The following NRXN1 variants were observed in gnomAD, a reference collection of about 807,000 sequenced individuals.
NRXN1 encodes the protein neurexin-1.
Under a neutral mutation model 150.9 loss-of-function variants are expected in NRXN1, and 39 were observed. The observed-to-expected ratio is 0.26, with a 90% CI of 0.20 to 0.34. NRXN1 has a LOEUF of 0.34. NRXN1 is among the 10% of genes least tolerant of loss of function. The pLI is 1.00. For missense variants in NRXN1, 1,815 were observed against 1,949.9 expected, an observed-to-expected ratio of 0.93 and a Z score of 1.30; for synonymous variants, 924 against 757.0, an observed-to-expected ratio of 1.22 and a Z score of -3.62.
At chr2:50,562,478 C>A (rs1669247000) in intron 8 of NRXN1, among the ~76,000 whole-genome samples, 1 of 151,846 alleles carries the variant, frequency 6.6e-6, no homozygotes, top group African/African-American at 2.4e-5. Context: ...TCATGCTCAT[C>A]AATTTTAAGC....
chr2:50,944,744 A>G (rs1278471332), intron 2 of NRXN1, among the ~76,000 whole-genome samples: 2 of 152,186 alleles, frequency 1.3e-5, no homozygotes, highest in African/African-American at 2.4e-5. Context: ...CCTGTACTGC[A>G]AAGGCTAATC....
intron 18 of NRXN1, among the ~76,000 whole-genome samples, chr2:50,207,314 C>A (rs986038634): frequency 2.0e-5 from 3 of 152,020 alleles, no homozygotes; most frequent in African/African-American, 7.2e-5. Context: ...TTCATATTTA[C>A]CTACCTTGTC....
chr2:50,467,135 GT>G (rs2088970872), intron 16 of NRXN1, among the ~76,000 whole-genome samples: 1 of 151,706 alleles, frequency 6.6e-6, no homozygotes, highest in East Asian at 1.9e-4. Context: ...CATGTGCAGC[GT>G]TTATCCTTGA....
chr2:50,090,871 C>T (rs970639418), intron 19 of NRXN1, among the ~76,000 whole-genome samples: 3 of 152,106 alleles, frequency 2.0e-5, no homozygotes, highest in African/African-American at 7.2e-5. Context: ...GGGATCCCTA[C>T]ACTTTAATGT....
chr2:50,982,313 TTTACTC>T (rs1409356944), intron 2 of NRXN1, among the ~76,000 whole-genome samples: 3 of 152,106 alleles, frequency 2.0e-5, no homozygotes, highest in Non-Finnish European at 2.9e-5. Context: ...AGGCAACTCT[TTTACTC>T]TTAGTTTTAT....
intron 5 of NRXN1, among the ~76,000 whole-genome samples, chr2:50,754,221 G>C (rs1410126226): frequency 6.6e-6 from 1 of 151,678 alleles, no homozygotes; most frequent in Non-Finnish European, 1.5e-5. Context: ...TCAGTTATCT[G>C]GTTAGATATT....
At chr2:50,098,043 A>G (rs991188527) in intron 18 of NRXN1, among the ~76,000 whole-genome samples, 1 of 152,082 alleles carries the variant, frequency 6.6e-6, no homozygotes, top group African/African-American at 2.4e-5. Context: ...GTTTTAATCT[A>G]GTTGTTTTAA....
At chr2:50,621,060 TCAACAACAGATGAAAAG>T in intron 7 of NRXN1, 149 bp downstream of exon 7, 1 of 561,756 alleles carries the variant, frequency 1.8e-6, no homozygotes, top group East Asian at 3.1e-5. Context: ...AATAAGAAGG[TCAACAACAGATGAAAAG>T]AAGGAGGTCA....
In NRXN1 at chr2:50,019,067, A is replaced by C. The variant is rs140183289; in HGVS notation, c.4128+34204T>G. Among the ~76,000 whole-genome samples the C allele has an allele frequency of 2.8e-3, 429 of 152,236 alleles. 1 individual carries two copies. The highest frequency in any genetic ancestry group is 5.1e-3 in the Non-Finnish European group (345 of 68,028). On this transcript the variant is annotated intron_variant, in intron 21 of 22. Transcript: ENST00000401669. ...AAGCAGATTGAATTTCAAATTTCCT[A>C]ATGACTCTCCCTGTTTTGCAAATCC...
chr2:50,579,743 T>C (rs982658539), intron 8 of NRXN1, among the ~76,000 whole-genome samples: 4 of 152,188 alleles, frequency 2.6e-5, no homozygotes, highest in East Asian at 1.9e-4. Context: ...ATTCACAAGG[T>C]TGCATTATTG....
chr2:50,648,075 T>C (rs1308818099), intron 5 of NRXN1, among the ~76,000 whole-genome samples: 1 of 152,004 alleles, frequency 6.6e-6, no homozygotes, highest in Non-Finnish European at 1.5e-5. Context: ...TATTAAATAA[T>C]TAATTTAGAC....
chr2:50,006,598 G>A (rs1395975633), intron 21 of NRXN1, among the ~76,000 whole-genome samples: 1 of 152,020 alleles, frequency 6.6e-6, no homozygotes, highest in African/African-American at 2.4e-5. Flanking sequence ...GATCTCTTAG[G>A]TTACTCTTTT....
chr2:50,094,420 C>G (rs1573876120), intron 18 of NRXN1, among the ~76,000 whole-genome samples: 1 of 152,244 alleles, frequency 6.6e-6, no homozygotes, highest in East Asian at 1.9e-4. Context: ...TGGAAGTCTG[C>G]TTTTCCCTAT....
chr2:50,437,575 T>C (rs116931758), intron 17 of NRXN1, among the ~76,000 whole-genome samples: 1 of 152,210 alleles, frequency 6.6e-6, no homozygotes, highest in East Asian at 1.9e-4. Flanking sequence ...GTTGATATCA[T>C]GTGTTGAGGG....
intron 22 of NRXN1, among the ~76,000 whole-genome samples, chr2:49,922,818 A>G (rs1028187028): frequency 6.6e-6 from 1 of 152,234 alleles, no homozygotes; most frequent in Non-Finnish European, 1.5e-5. Flanking sequence ...TTTTATAAAT[A>G]AAAATAGACT....
chr2:50,616,870 T>C (rs999139517), intron 8 of NRXN1, among the ~76,000 whole-genome samples: 6 of 152,138 alleles, frequency 3.9e-5, no homozygotes, highest in African/African-American at 1.2e-4. Flanking sequence ...TAATTAAGGG[T>C]TTACACATGC....
intron 5 of NRXN1, among the ~76,000 whole-genome samples, chr2:50,746,152 A>C (rs2105303030): frequency 6.6e-6 from 1 of 152,228 alleles, no homozygotes; most frequent in Middle Eastern, 3.4e-3. Context: ...ATGGTGGGGA[A>C]GTTCTAAAGT....
intron 5 of NRXN1, among the ~76,000 whole-genome samples, chr2:50,763,102 TGA>T (rs1701994799): frequency 6.6e-6 from 1 of 151,978 alleles, no homozygotes; most frequent in Non-Finnish European, 1.5e-5. Flanking sequence ...TCATTTTCTT[TGA>T]ACATTAATGA....
intron 21 of NRXN1, among the ~76,000 whole-genome samples, chr2:49,946,763 C>T (rs926209956): frequency 1.3e-5 from 2 of 152,066 alleles, no homozygotes; most frequent in African/African-American, 4.8e-5. Flanking sequence ...CAAGCCAATC[C>T]TAAGCAAAAA....
Sources: allele counts gnomAD v4.1 joint callset (sites outside exome capture counted in the v4.1 genomes callset), GRCh38; gene constraint gnomAD v4.1.1; transcripts MANE v1.5; gene names NCBI Gene and HGNC (gene_info 2026-07-23, HGNC 2026-07-21).